The following OGG1 variants were observed in gnomAD, a reference collection of about 807,000 sequenced individuals.
The protein encoded by OGG1 is N-glycosylase/DNA lyase.
A neutral mutation model predicts 42.3 loss-of-function variants in OGG1; 35 were observed. The ratio of observed to expected loss-of-function variants is 0.83; its 90% confidence interval spans 0.63 to 1.10. The LOEUF is 1.10. OGG1 is among the 50% of genes least tolerant of loss of function. The pLI is 0.00. For synonymous variants in OGG1, 189 were observed against 179.0 expected, an observed-to-expected ratio of 1.06 and a Z score of -0.44; for missense variants, 484 against 446.7, an observed-to-expected ratio of 1.08 and a Z score of -0.75.
chr3:9,758,974 T>TG (rs1218849406), downstream of OGG1: 1 of 559,676 alleles, frequency 1.8e-6, no homozygotes, highest in Non-Finnish European at 3.2e-6. Context: ...AAGATTCTTC[T>TG]GGGGCTCCTC....
chr3:9,766,385 G>A (rs2078153357), exon 8 of OGG1: 1 of 594,254 alleles, frequency 1.7e-6, no homozygotes. Context: ...TCGAGTCATG[G>A]CTAATTTAAC....
chr3:9,758,917 A>G (rs1302397736), downstream of OGG1: 2 of 420,854 alleles, frequency 4.8e-6, no homozygotes, highest in Non-Finnish European at 8.9e-6. Flanking sequence ...GGCGTGAGCC[A>G]CCATGCCTGG....
At chr3:9,789,601 C>A (rs1017912754), downstream of OGG1, 12 of 1,614,106 alleles carry the variant, frequency 7.4e-6, no homozygotes, top group South Asian at 6.6e-5. Context: ...TAGGGCTCCA[C>A]TGAAGCCCAG....
chr3:9,763,480 T>A (rs1314312946), intron 7 of OGG1, among the ~76,000 whole-genome samples: 4 of 149,560 alleles, frequency 2.7e-5, no homozygotes, highest in African/African-American at 9.8e-5. Context: ...ACTGCCTACA[T>A]ACCTGGGTAG....
At chr3:9,753,774 C>T (rs748387042) in intron 3 of OGG1, among the ~76,000 whole-genome samples, 5 of 152,186 alleles carry the variant, frequency 3.3e-5, no homozygotes, top group Non-Finnish European at 7.3e-5. Flanking sequence ...ATGGGAATAA[C>T]AGTTTCTATC....
chr3:9,754,997 A>G, intron 4 of OGG1, 112 bp downstream of exon 4: 1 of 837,836 alleles, frequency 1.2e-6, no homozygotes, highest in Non-Finnish European at 2.0e-6. Flanking sequence ...GCAGAGCAGG[A>G]AGGAGAAAGG....
intron 2 of OGG1, among the ~76,000 whole-genome samples, chr3:9,772,212 T>A (rs1277344868): frequency 1.3e-4 from 20 of 152,214 alleles, no homozygotes. Context: ...AAACACATTA[T>A]CTTTACTTTC....
exon 8 of OGG1, chr3:9,766,304 A>G (rs2078149605): frequency 1.4e-6 from 1 of 698,688 alleles, no homozygotes; most frequent in East Asian, 2.7e-5. Context: ...CTCTGGATCC[A>G]GCCATGCCTG....
downstream of OGG1, among the ~76,000 whole-genome samples, chr3:9,770,415 C>A (rs2078276228): frequency 6.6e-6 from 1 of 151,936 alleles, no homozygotes; most frequent in South Asian, 2.1e-4. Context: ...TGGGGAAGGA[C>A]CGGGCAAGAC....
At chr3:9,784,176 CCTT>C (rs1283891107) in intron 3 of OGG1, 1 of 1,613,994 alleles carries the variant, frequency 6.2e-7, no homozygotes, top group Non-Finnish European at 8.5e-7. Flanking sequence ...ATTAGCTCCT[CCTT>C]GATGCGGCTC....
At chr3:9,754,581 G>A in intron 3 of OGG1, 123 bp from the exon 4 acceptor site, 3 of 993,502 alleles carry the variant, frequency 3.0e-6, no homozygotes, top group Non-Finnish European at 4.6e-6. Flanking sequence ...CCCATAGAGG[G>A]TGGGGAGGTA....
In OGG1 at chr3:9,750,106, C is replaced by G; in HGVS notation, c.-181C>G. 1 of 791,224 alleles carries G rather than the reference C, an allele frequency of 1.3e-6. No homozygotes were observed. The highest frequency in any genetic ancestry group is 2.0e-6 in the Non-Finnish European group (1 of 509,812). The allele number at this position is 791,224 out of a possible 1,614,324, so 49.0% of individuals were successfully genotyped here. ...GGGGCACGAAGCGGGGCTTTGATGA[C>G]CCGCAAAGGGCGAGGCATGCAGGAG... On this transcript the variant is annotated 5_prime_UTR_variant, in exon 1 of 7. Transcript: ENST00000344629.
At chr3:9,756,671 C>G (rs751729688) in intron 5 of OGG1, 50 bp downstream of exon 5, 1 of 1,612,028 alleles carries the variant, frequency 6.2e-7, no homozygotes. Context: ...ATGGTAGAAA[C>G]TTCTCTCTCT....
intron 3 of OGG1, chr3:9,785,230 C>G (rs2078579330): frequency 1.9e-6 from 2 of 1,061,828 alleles, no homozygotes; most frequent in Non-Finnish European, 2.8e-6. Context: ...CAGCCTCTTA[C>G]TGATGAGGAC....
intron 3 of OGG1, among the ~76,000 whole-genome samples, chr3:9,785,874 AGAGAT>A (rs1425941800): frequency 1.3e-5 from 2 of 152,052 alleles, no homozygotes; most frequent in Admixed American, 1.3e-4. Context: ...AGTGATCAGA[AGAGAT>A]AAGAGCCATA....
At chr3:9,779,171 G>A (rs1360459310) in intron 2 of OGG1, among the ~76,000 whole-genome samples, 2 of 152,116 alleles carry the variant, frequency 1.3e-5, no homozygotes, top group Non-Finnish European at 2.9e-5. Flanking sequence ...CTCAGATCTT[G>A]TTGGGTTTTA....
In OGG1 at chr3:9,751,622, G is replaced by T. The variant is rs188827716; in HGVS notation, c.386-148G>T. ...TCACAAGATGCTATGAGGAATGAGAGGTCTGGTGTTGCTTTCTCTAACGGT... is the reference window on the plus strand; with the variant it reads ...TCACAAGATGCTATGAGGAATGAGATGTCTGGTGTTGCTTTCTCTAACGGT... On this transcript the variant is annotated intron_variant, in intron 2 of 6. Transcript: ENST00000344629. 16 of 789,542 alleles carry T rather than the reference G, an allele frequency of 2.0e-5. No individual in the cohort carries two copies. The African/African-American group carries it at 2.7e-4, about 13-fold the overall frequency. The allele number at this position is 789,542 out of a possible 1,614,324, so 48.9% of individuals were successfully genotyped here.
intron 2 of OGG1, chr3:9,780,397 A>AAG: frequency 6.2e-7 from 1 of 1,612,996 alleles, no homozygotes; most frequent in Non-Finnish European, 8.5e-7. Context: ...ACGCTCCTTC[A>AAG]GAGTCTTCCA....
chr3:9,775,648 T>G (rs2078354895), intron 2 of OGG1, among the ~76,000 whole-genome samples: 2 of 152,148 alleles, frequency 1.3e-5, no homozygotes, highest in South Asian at 2.1e-4. Context: ...CCAGAGGTTT[T>G]TTTTTTTTTT....
Sources: gnomAD v4.1 joint callset for allele counts (sites outside exome capture counted in the v4.1 genomes callset) on GRCh38, gnomAD v4.1.1 for gene constraint, MANE v1.5 for transcripts, NCBI Gene and HGNC (gene_info 2026-07-23, HGNC 2026-07-21) for gene names.